The following EPB41L4A variants were observed in gnomAD, a reference collection of about 807,000 sequenced individuals.
EPB41L4A encodes band 4.1-like protein 4A.
EPB41L4A carries 100 observed loss-of-function variants against 108.6 expected under a neutral mutation model. That is an observed-to-expected ratio of 0.92 (90% CI 0.78 to 1.09). EPB41L4A has a LOEUF of 1.09. Ranked by LOEUF, EPB41L4A falls within the 50% of genes least tolerant of loss-of-function variation. The pLI is 0.00. For missense variants in EPB41L4A, 1,030 were observed against 842.7 expected (o/e 1.22, Z -2.75); for synonymous variants, 319 against 289.0 (o/e 1.10, Z -1.05).
chr5:112,144,143 T>C (rs1265136329), intron 13 of EPB41L4A, among the ~76,000 whole-genome samples: 5 of 152,196 alleles, frequency 3.3e-5, no homozygotes, highest in South Asian at 2.1e-4. Context: ...GGAGCAGCCC[T>C]GGGAATATGA....
At chr5:112,371,682 T>C (rs1759506196) in intron 1 of EPB41L4A, among the ~76,000 whole-genome samples, 1 of 152,132 alleles carries the variant, frequency 6.6e-6, no homozygotes, top group South Asian at 2.1e-4. Context: ...AAAAGATGAC[T>C]ATAAACGTGG....
At position 112,212,340 on chromosome 5, in the gene EPB41L4A, T is replaced by C. The variant is rs112918751; in HGVS notation, c.1088-2358A>G. On this transcript the variant is annotated intron_variant, in intron 12 of 22. Transcript: ENST00000261486. ...CAGAGTCTTGCTTTGTCGCCCATGC[T>C]GGAGTGCAGTGACATGATCTCAGCT... Among the ~76,000 whole-genome samples, 5 of 151,614 alleles carry C rather than the reference T, an allele frequency of 3.3e-5. 1 individual carries two copies. The highest frequency in any genetic ancestry group is 1.2e-4 in the African/African-American group (5 of 41,340).
chr5:112,266,819 T>C (rs893945430), intron 4 of EPB41L4A, among the ~76,000 whole-genome samples: 1 of 152,256 alleles, frequency 6.6e-6, no homozygotes, highest in African/African-American at 2.4e-5. Flanking sequence ...TCATTCCATG[T>C]TGCCAAAAGA....
At chr5:112,404,114 T>A (rs1210977644) in intron 1 of EPB41L4A, among the ~76,000 whole-genome samples, 1 of 152,244 alleles carries the variant, frequency 6.6e-6, no homozygotes. Flanking sequence ...AGAACCTATG[T>A]CTAAGGACAT....
intron 2 of EPB41L4A, among the ~76,000 whole-genome samples, chr5:112,299,615 G>A (rs1224123208): frequency 6.6e-6 from 1 of 152,146 alleles, no homozygotes; most frequent in Non-Finnish European, 1.5e-5. Context: ...GACCAGCCTG[G>A]CCAACATGGT....
chr5:112,340,149 T>C (rs1390810864), intron 1 of EPB41L4A, among the ~76,000 whole-genome samples: 3 of 152,308 alleles, frequency 2.0e-5, no homozygotes, highest in East Asian at 1.9e-4. Flanking sequence ...CAGAGTCAAG[T>C]CTGCAAAAGA....
intron 4 of EPB41L4A, 62 bp from the exon 5 acceptor site, chr5:112,266,392 G>T (rs1751860083): frequency 1.7e-6 from 2 of 1,157,716 alleles, no homozygotes; most frequent in Non-Finnish European, 2.4e-6. Context: ...TGAGGTTTCG[G>T]ACCCTGATAA....
chr5:112,319,551 G>A (rs1490144470), intron 1 of EPB41L4A, among the ~76,000 whole-genome samples: 1 of 152,078 alleles, frequency 6.6e-6, no homozygotes, highest in East Asian at 1.9e-4. Context: ...AAAAAATACA[G>A]AATCACTTCT....
At chr5:112,360,922 C>T (rs1342000483) in intron 1 of EPB41L4A, among the ~76,000 whole-genome samples, 3 of 151,914 alleles carry the variant, frequency 2.0e-5, no homozygotes, top group African/African-American at 4.8e-5. Context: ...TCTGCCCCGC[C>T]GCCACTCCGT....
Position 112,251,824 on chromosome 5 carries a change from G to T in EPB41L4A, c.795+7405C>A, listed in dbSNP as rs369675371. On this transcript the variant is annotated intron_variant, in intron 9 of 22. Coordinates refer to ENST00000261486, the MANE Select transcript of EPB41L4A (RefSeq NM_022140.5). ...CAATAAACCTCAGTAGATTTCAAAC[G>T]AATACATGAGCACAGGAATGAAGAA... is the stretch of plus-strand genomic sequence containing the variant. 4.6e-5 allele frequency among the ~76,000 whole-genome samples: 7 copies of T among 152,206 alleles called. No homozygotes were observed. In the East Asian group the frequency reaches 5.8e-4, roughly 13 times the overall value.
chr5:112,327,440 G>C (rs555456534), intron 1 of EPB41L4A, among the ~76,000 whole-genome samples: 8 of 152,266 alleles, frequency 5.3e-5, no homozygotes, highest in Non-Finnish European at 1.2e-4. Flanking sequence ...CTTAGACTGG[G>C]TGCAGTGGCT....
At chr5:112,320,518 G>C (rs1262978215) in intron 1 of EPB41L4A, among the ~76,000 whole-genome samples, 8 of 152,252 alleles carry the variant, frequency 5.3e-5, no homozygotes, top group African/African-American at 1.9e-4. Context: ...GTAACAGTGG[G>C]GCAGGGGATT....
chr5:112,218,652 T>C (rs1396260631), intron 12 of EPB41L4A, among the ~76,000 whole-genome samples: 6 of 152,238 alleles, frequency 3.9e-5, no homozygotes, highest in Admixed American at 6.5e-5. Flanking sequence ...GCAATTTTAA[T>C]AGTAAATAAA....
At chr5:112,340,859 A>G (rs542671531) in intron 1 of EPB41L4A, among the ~76,000 whole-genome samples, 16 of 152,300 alleles carry the variant, frequency 1.1e-4, no homozygotes, top group Non-Finnish European at 1.9e-4. Flanking sequence ...GTAAACATAA[A>G]TATATTTCAT....
At chr5:112,153,912 A>T (rs1664061043) in intron 12 of EPB41L4A, among the ~76,000 whole-genome samples, 1 of 151,990 alleles carries the variant, frequency 6.6e-6, no homozygotes, top group African/African-American at 2.4e-5. Context: ...TTACATTCAA[A>T]AAGACTCCAT....
intron 4 of EPB41L4A, among the ~76,000 whole-genome samples, chr5:112,273,052 T>C (rs1466497129): frequency 6.6e-6 from 1 of 152,186 alleles, no homozygotes; most frequent in Non-Finnish European, 1.5e-5. Flanking sequence ...TCTGGAGATT[T>C]TGCTTGTTGG....
At chr5:112,311,116 A>G (rs550124668) in intron 1 of EPB41L4A, among the ~76,000 whole-genome samples, 1 of 152,280 alleles carries the variant, frequency 6.6e-6, no homozygotes, top group African/African-American at 2.4e-5. Flanking sequence ...CTCCCGCCTC[A>G]GCCTCCTGAG....
intron 1 of EPB41L4A, among the ~76,000 whole-genome samples, chr5:112,326,029 A>G (rs1756133126): frequency 6.6e-6 from 1 of 152,114 alleles, no homozygotes; most frequent in African/African-American, 2.4e-5. Flanking sequence ...ACACACCTGT[A>G]TTTCCAGCTA....
At chr5:112,331,197 C>T (rs1304139660) in intron 1 of EPB41L4A, among the ~76,000 whole-genome samples, 3 of 152,192 alleles carry the variant, frequency 2.0e-5, no homozygotes, top group Non-Finnish European at 2.9e-5. Context: ...CATGGAGGGA[C>T]AACTCCATCT....
Sources: gnomAD v4.1 joint callset for allele counts (sites outside exome capture counted in the v4.1 genomes callset) on GRCh38, gnomAD v4.1.1 for gene constraint, MANE v1.5 for transcripts, NCBI Gene and HGNC (gene_info 2026-07-23, HGNC 2026-07-21) for gene names.